CACNA1A: variants seen among roughly 807,000 people sequenced by gnomAD.
CACNA1A encodes calcium voltage-gated channel subunit alpha1 A.
Under a neutral mutation model 262.4 loss-of-function variants are expected in CACNA1A, and 57 were observed. The ratio of observed to expected loss-of-function variants is 0.22; its 90% CI spans 0.18 to 0.27. The LOEUF (loss-of-function observed/expected upper bound fraction) is 0.27. CACNA1A is among the 10% of genes least tolerant of loss of function. The pLI is 1.00. For missense variants in CACNA1A, 2,526 were observed against 3,562.8 expected (o/e 0.71, Z 7.41); for synonymous variants, 1,431 against 1,419.3 (o/e 1.01, Z -0.18).
chr19:13,268,178 A>G (rs1003128672), intron 24 of CACNA1A, among the ~76,000 whole-genome samples: 1 of 152,172 alleles, frequency 6.6e-6, no homozygotes, highest in Non-Finnish European at 1.5e-5. Flanking sequence ...GGGGTCAGCA[A>G]AGAGTTCTGA....
chr19:13,395,923 T>G (rs980879552), intron 3 of CACNA1A, among the ~76,000 whole-genome samples: 1 of 152,236 alleles, frequency 6.6e-6, no homozygotes, highest in Non-Finnish European at 1.5e-5. Flanking sequence ...CTTTTTGGGT[T>G]TCCCCACTCA....
intron 31 of CACNA1A, among the ~76,000 whole-genome samples, chr19:13,242,197 A>G (rs2056099280): frequency 6.6e-6 from 1 of 152,208 alleles, no homozygotes; most frequent in African/African-American, 2.4e-5. Flanking sequence ...ATTCACAATA[A>G]CAATAACAAC....
intron 24 of CACNA1A, among the ~76,000 whole-genome samples, chr19:13,267,141 A>G (rs2056882299): frequency 6.6e-6 from 1 of 152,100 alleles, no homozygotes; most frequent in South Asian, 2.1e-4. Context: ...AGAGAGAGAG[A>G]GAGAGAAAGA....
chr19:13,272,633 A>T (rs2057051119), intron 24 of CACNA1A: 1 of 152,216 alleles, frequency 6.6e-6, no homozygotes, highest in South Asian at 2.1e-4. Context: ...GGAAAATAAA[A>T]AGATAGAAAC....
At chr19:13,454,382 C>T (rs8105344) in intron 2 of CACNA1A, among the ~76,000 whole-genome samples, 1 of 151,454 alleles carries the variant, frequency 6.6e-6, no homozygotes, top group African/African-American at 2.4e-5. Flanking sequence ...TCGCCTCCCC[C>T]CCACCAAGAT....
At chr19:13,239,487 G>A (rs1181241354) in intron 31 of CACNA1A, among the ~76,000 whole-genome samples, 2 of 152,200 alleles carry the variant, frequency 1.3e-5, no homozygotes, top group Non-Finnish European at 2.9e-5. Context: ...GGTAAGAGGG[G>A]ACAGTAATGG....
chr19:13,236,078 T>C lies in CACNA1A; in HGVS notation c.4951-348A>G, dbSNP rs376444795. On this transcript the variant is annotated intron_variant, in intron 31 of 46. Coordinates refer to ENST00000360228, the MANE Select transcript of CACNA1A (RefSeq NM_001127222.2). This position sits in a 1 kb window ranked among gnomAD's most constrained non-coding sequence, Gnocchi z 4.6. Reference sequence around the variant, plus strand: ...ACAAAAGAACAAGAAAAAGAAAATATATCCGAATCATCCAATCAGGAAAAA... The same window carrying C: ...ACAAAAGAACAAGAAAAAGAAAATACATCCGAATCATCCAATCAGGAAAAA... Among the ~76,000 whole-genome samples, 1 of 151,906 alleles carries C rather than the reference T, an allele frequency of 6.6e-6. No individual in the cohort carries two copies. The highest frequency in any genetic ancestry group is 1.9e-4 in the East Asian group (1 of 5,184).
At chr19:13,484,682 T>C (rs1481316869) in intron 1 of CACNA1A, among the ~76,000 whole-genome samples, 1 of 152,242 alleles carries the variant, frequency 6.6e-6, no homozygotes, top group Non-Finnish European at 1.5e-5. Flanking sequence ...ATCATTGTAT[T>C]ACTGCTTCAG....
intron 3 of CACNA1A, among the ~76,000 whole-genome samples, chr19:13,394,308 C>G (rs1002109343): frequency 5.3e-5 from 8 of 152,144 alleles, no homozygotes; most frequent in African/African-American, 1.9e-4. Flanking sequence ...CTGCAATGCT[C>G]TCAGGTTTGG....
intron 3 of CACNA1A, among the ~76,000 whole-genome samples, chr19:13,411,544 G>A (rs1374775632): frequency 1.3e-5 from 2 of 152,152 alleles, no homozygotes; most frequent in African/African-American, 4.8e-5. Context: ...CCAGCCATGT[G>A]GAACTGTGAG....
At chr19:13,495,075 G>A (rs1981337555) in intron 1 of CACNA1A, among the ~76,000 whole-genome samples, 2 of 152,002 alleles carry the variant, frequency 1.3e-5, no homozygotes, top group Admixed American at 1.3e-4. Flanking sequence ...AAAATCCAAG[G>A]AATTCCACTT....
In CACNA1A at chr19:13,432,260, C is replaced by T. The variant is rs969994913; in HGVS notation, c.539+20616G>A. Among the ~76,000 whole-genome samples the T allele has an allele frequency of 2.0e-5, 3 of 150,840 alleles. No homozygotes were observed. In the South Asian group the frequency reaches 6.3e-4, roughly 32 times the overall value. ...TGAAACCCCGTCTCTACTAAAAATA[C>T]AAAAATTAGCCGGGCCTGGTGGCAA... On this transcript the variant is annotated intron_variant, in intron 3 of 46. Coordinates refer to ENST00000360228, the MANE Select transcript of CACNA1A (RefSeq NM_001127222.2).
At chr19:13,388,666 T>C (rs1412881435) in intron 3 of CACNA1A, among the ~76,000 whole-genome samples, 2 of 152,216 alleles carry the variant, frequency 1.3e-5, no homozygotes, top group African/African-American at 4.8e-5. Context: ...GCCTGTCTCT[T>C]GTTTATACCT....
At chr19:13,368,144 G>A (rs537292036) in intron 4 of CACNA1A, among the ~76,000 whole-genome samples, 2 of 151,896 alleles carry the variant, frequency 1.3e-5, no homozygotes, top group Non-Finnish European at 2.9e-5. Flanking sequence ...GTGAAACCCT[G>A]TCTCTACAAA....
chr19:13,396,775 G>A (rs931056036), intron 3 of CACNA1A, among the ~76,000 whole-genome samples: 24 of 152,190 alleles, frequency 1.6e-4, no homozygotes, highest in Admixed American at 4.6e-4. Flanking sequence ...CGGGCTCTGT[G>A]CCCTCGAGGC....
intron 20 of CACNA1A, among the ~76,000 whole-genome samples, chr19:13,286,244 C>T (rs2144885711): frequency 6.6e-6 from 1 of 152,310 alleles, no homozygotes; most frequent in Non-Finnish European, 1.5e-5. Context: ...GGGTGGCTTC[C>T]TGGCTCCCCT....
intron 4 of CACNA1A, among the ~76,000 whole-genome samples, chr19:13,367,764 C>G (rs772086084): frequency 6.6e-6 from 1 of 152,056 alleles, no homozygotes; most frequent in Non-Finnish European, 1.5e-5. Flanking sequence ...CCCGAAGGGA[C>G]ACAGTGGAAC....
intron 38 of CACNA1A, among the ~76,000 whole-genome samples, chr19:13,223,682 C>T (rs1235593136): frequency 6.6e-6 from 1 of 152,174 alleles, no homozygotes; most frequent in Non-Finnish European, 1.5e-5. Flanking sequence ...CTCAATGCCC[C>T]GGGTGTCCTG....
At chr19:13,384,085 G>C (rs2059567363) in intron 3 of CACNA1A, among the ~76,000 whole-genome samples, 1 of 152,188 alleles carries the variant, frequency 6.6e-6, no homozygotes, top group Admixed American at 6.5e-5. Flanking sequence ...CTTAGTGTTT[G>C]GATGATAGGC....
Sources: gnomAD v4.1 joint callset for allele counts (sites outside exome capture counted in the v4.1 genomes callset) on GRCh38, gnomAD v4.1.1 for gene constraint, Gnocchi (gnomAD v3.1) non-coding constraint, MANE v1.5 for transcripts, NCBI Gene and HGNC (gene_info 2026-07-23, HGNC 2026-07-21) for gene names.